The following MEIS2 variants were observed in gnomAD, a reference collection of about 807,000 sequenced individuals.
MEIS2 encodes homeobox protein Meis2.
Under a neutral mutation model 58.6 loss-of-function variants are expected in MEIS2, and 9 were observed. The observed-to-expected ratio is 0.15, with a 90% CI of 0.09 to 0.27. MEIS2 has a LOEUF of 0.27. Among genes scored for constraint, MEIS2 ranks in the 10% least tolerant of loss-of-function variants. The probability of loss-of-function intolerance (pLI) is 1.00; values close to 1 mark genes in which losing one functional copy is unlikely to be tolerated. For missense variants in MEIS2, 427 were observed against 635.0 expected, an observed-to-expected ratio of 0.67 and a Z score of 3.52; for synonymous variants, 221 against 228.4, an observed-to-expected ratio of 0.97 and a Z score of 0.29.
chr15:37,011,434 A>G (rs1354577093), intron 8 of MEIS2, among the ~76,000 whole-genome samples: 1 of 152,184 alleles, frequency 6.6e-6, no homozygotes, highest in African/African-American at 2.4e-5. Context: ...ATACAAATGT[A>G]TATAGATGCA....
intron 8 of MEIS2, among the ~76,000 whole-genome samples, chr15:37,030,305 A>G (rs1189105197): frequency 6.6e-6 from 1 of 152,126 alleles, no homozygotes; most frequent in Non-Finnish European, 1.5e-5. Context: ...AAATGTTAAT[A>G]TGGATTTCGG....
chr15:37,089,658 G>A (rs541565423), intron 6 of MEIS2, among the ~76,000 whole-genome samples: 6 of 152,104 alleles, frequency 3.9e-5, no homozygotes, highest in African/African-American at 1.2e-4. Flanking sequence ...TTCCTCTACT[G>A]AATTCTTTCA....
chr15:36,979,830 T>G (rs2059875622), intron 8 of MEIS2, among the ~76,000 whole-genome samples: 1 of 147,282 alleles, frequency 6.8e-6, no homozygotes, highest in Non-Finnish European at 1.5e-5. Context: ...TTAGGAGATT[T>G]TTCCTTAACT....
chr15:36,977,053 G>A (rs1353044546), intron 8 of MEIS2, among the ~76,000 whole-genome samples: 1 of 152,152 alleles, frequency 6.6e-6, no homozygotes, highest in Non-Finnish European at 1.5e-5. Flanking sequence ...TTGAACCTGG[G>A]AGGTGGAGGT....
chr15:37,019,653 G>A (rs754241841), intron 8 of MEIS2, among the ~76,000 whole-genome samples: 5 of 152,180 alleles, frequency 3.3e-5, no homozygotes, highest in Non-Finnish European at 5.9e-5. Flanking sequence ...CATATGGCCC[G>A]TAGAGGGTAG....
At chr15:37,069,515 A>G (rs1890395470) in intron 7 of MEIS2, among the ~76,000 whole-genome samples, 2 of 152,152 alleles carry the variant, frequency 1.3e-5, no homozygotes, top group African/African-American at 4.8e-5. Flanking sequence ...TGGAGAGACA[A>G]GGTATACCCA....
At chr15:36,920,348 C>T (rs2057454254) in intron 9 of MEIS2, among the ~76,000 whole-genome samples, 1 of 152,112 alleles carries the variant, frequency 6.6e-6, no homozygotes, top group East Asian at 1.9e-4. Context: ...GGTTTCTCCA[C>T]ATTGGTCAGG....
intron 6 of MEIS2, among the ~76,000 whole-genome samples, chr15:37,088,784 G>T (rs1302820443): frequency 1.3e-5 from 2 of 152,120 alleles, no homozygotes; most frequent in African/African-American, 4.8e-5. Context: ...TTTTAGAGAA[G>T]ACAGAAATGT....
At chr15:36,913,024 A>T (rs555384760) in intron 9 of MEIS2, among the ~76,000 whole-genome samples, 1 of 152,040 alleles carries the variant, frequency 6.6e-6, no homozygotes, top group East Asian at 1.9e-4. Flanking sequence ...CAGAAGAAAA[A>T]CTCCTTGGCA....
At chr15:36,949,212 T>A (rs1262754535) in intron 9 of MEIS2, among the ~76,000 whole-genome samples, 4 of 146,518 alleles carry the variant, frequency 2.7e-5, no homozygotes, top group Admixed American at 6.9e-5. Context: ...AAAAAAAAAA[T>A]TGCCTGACAG....
intron 6 of MEIS2, among the ~76,000 whole-genome samples, chr15:37,086,680 C>G (rs561545374): frequency 6.6e-6 from 1 of 152,218 alleles, no homozygotes; most frequent in South Asian, 2.1e-4. Context: ...TGAACACCAA[C>G]TAAGGACTAT....
At chr15:37,052,767 GAA>G (rs2062976092) in intron 7 of MEIS2, among the ~76,000 whole-genome samples, 1 of 152,166 alleles carries the variant, frequency 6.6e-6, no homozygotes, top group Admixed American at 6.5e-5. Flanking sequence ...ACCGCTGGTT[GAA>G]AAACACATTT....
intron 8 of MEIS2, among the ~76,000 whole-genome samples, chr15:36,962,144 C>T (rs530040821): frequency 6.6e-6 from 1 of 152,272 alleles, no homozygotes; most frequent in South Asian, 2.1e-4. Flanking sequence ...TTGTTGGTTG[C>T]TGTTAAACAA....
intron 9 of MEIS2, among the ~76,000 whole-genome samples, chr15:36,905,368 C>T (rs987966006): frequency 5.3e-5 from 8 of 152,076 alleles, no homozygotes; most frequent in African/African-American, 1.9e-4. Context: ...AGTGTTTGCT[C>T]CCTTCCCCTC....
chr15:37,054,006 A>G (rs187791878), intron 7 of MEIS2, among the ~76,000 whole-genome samples: 1 of 152,328 alleles, frequency 6.6e-6, no homozygotes, highest in Non-Finnish European at 1.5e-5. Flanking sequence ...AGATAAAGCG[A>G]GTGAGGTCAA....
chr15:36,906,632 A>T (rs1053642849), intron 9 of MEIS2, among the ~76,000 whole-genome samples: 1 of 149,028 alleles, frequency 6.7e-6, no homozygotes, highest in Admixed American at 6.7e-5. Context: ...CAGGCTGACA[A>T]AGTATGTCAG....
At chr15:36,958,227 A>T (rs1180731445) in intron 8 of MEIS2, among the ~76,000 whole-genome samples, 1 of 152,208 alleles carries the variant, frequency 6.6e-6, no homozygotes, top group Non-Finnish European at 1.5e-5. Flanking sequence ...CATTAAAAAG[A>T]GCAAAGAGAA....
At chr15:36,923,067 TC>T (rs925547245) in intron 9 of MEIS2, among the ~76,000 whole-genome samples, 1 of 152,196 alleles carries the variant, frequency 6.6e-6, no homozygotes, top group Non-Finnish European at 1.5e-5. Context: ...TTATGAGTTG[TC>T]AATCTCCTTA....
chr15:36,959,900 C>A (rs933544531), intron 8 of MEIS2, among the ~76,000 whole-genome samples: 3 of 152,030 alleles, frequency 2.0e-5, no homozygotes, highest in Admixed American at 6.6e-5. Context: ...ATACTTGTAT[C>A]TAATCTTATG....
Sources: gnomAD v4.1 joint callset for allele counts (sites outside exome capture counted in the v4.1 genomes callset) on GRCh38, gnomAD v4.1.1 for gene constraint, MANE v1.5 for transcripts, NCBI Gene and HGNC (gene_info 2026-07-23, HGNC 2026-07-21) for gene names.